Variants in ANTXRL observed in about 807,000 individuals in gnomAD.
ANTXRL encodes the protein ANTXR like, also known as anthrax toxin receptor-like.
In ANTXRL, 63 loss-of-function variants were observed where a neutral mutation model predicts 75.4. The observed-to-expected ratio is 0.84, with a 90% CI of 0.68 to 1.03. The LOEUF is 1.03. ANTXRL is among the 50% of genes least tolerant of loss of function. ANTXRL has a pLI of 0.00. For missense variants in ANTXRL, 797 were observed against 789.4 expected (o/e 1.01, Z -0.12); for synonymous variants, 335 against 291.3 (o/e 1.15, Z -1.53).
At chr10:46,299,942 C>T (rs1241004772) in intron 9 of ANTXRL, among the ~76,000 whole-genome samples, 1 of 152,164 alleles carries the variant, frequency 6.6e-6, no homozygotes, top group Non-Finnish European at 1.5e-5. Flanking sequence ...AGAGGGCTCT[C>T]CTCCCCCTCG....
intron 16 of ANTXRL, among the ~76,000 whole-genome samples, chr10:46,327,151 G>C (rs1839256437): frequency 6.6e-6 from 1 of 152,144 alleles, no homozygotes; most frequent in African/African-American, 2.4e-5. Context: ...CCCTCAAGAG[G>C]AGCGAGGGAG....
chr10:46,286,304 C>G (rs1441293153), upstream of ANTXRL: 1 of 152,194 alleles, frequency 6.6e-6, no homozygotes, highest in Non-Finnish European at 1.5e-5. Flanking sequence ...TCTTGGACCT[C>G]TGGGCCACCT....
intron 1 of ANTXRL, among the ~76,000 whole-genome samples, chr10:46,290,040 T>A (rs1836916732): frequency 7.7e-6 from 1 of 129,928 alleles, no homozygotes; most frequent in African/African-American, 2.8e-5. Flanking sequence ...CCACATTTTC[T>A]TTATCTTTTT....
At chr10:46,297,595 T>A in intron 7 of ANTXRL, 121 bp downstream of exon 7, 1 of 1,015,586 alleles carries the variant, frequency 9.8e-7, no homozygotes, top group Non-Finnish European at 1.4e-6. Flanking sequence ...GGCCAACTCA[T>A]GGCCACTGCA....
At chr10:46,291,966 T>A in intron 1 of ANTXRL, 92 bp from the exon 2 acceptor site, 1 of 1,228,414 alleles carries the variant, frequency 8.1e-7, no homozygotes, top group Non-Finnish European at 1.1e-6. Context: ...GAGAGCTTGT[T>A]AAGAGCCTGC....
chr10:46,295,589 A>G (rs1588798876), intron 3 of ANTXRL, among the ~76,000 whole-genome samples: 1 of 94,092 alleles, frequency 1.1e-5, no homozygotes, highest in Non-Finnish European at 2.5e-5. Context: ...TTTGGGTTAG[A>G]GTTAGAGTTA....
At chr10:46,308,575 T>C (rs1474241529) in intron 12 of ANTXRL, 4 of 400,020 alleles carry the variant, frequency 1.0e-5, no homozygotes, top group African/African-American at 4.1e-5. Flanking sequence ...CCGTTGCTTA[T>C]ACCCCATGTG....
intron 12 of ANTXRL, 111 bp from the exon 13 acceptor site, chr10:46,309,002 C>G: frequency 1.4e-6 from 2 of 1,458,108 alleles, no homozygotes; most frequent in Non-Finnish European, 9.2e-7. Context: ...CTGTAGTACC[C>G]GGATGCGGGG....
intron 16 of ANTXRL, among the ~76,000 whole-genome samples, chr10:46,322,267 G>C (rs1554965700): frequency 6.6e-6 from 1 of 151,998 alleles, no homozygotes; most frequent in East Asian, 1.9e-4. Flanking sequence ...AGACCAGCCT[G>C]GCCATATGGT....
chr10:46,303,415 CT>C (rs1442554452), intron 10 of ANTXRL, among the ~76,000 whole-genome samples: 2 of 152,176 alleles, frequency 1.3e-5, no homozygotes, highest in African/African-American at 2.4e-5. Flanking sequence ...TATCCTTTAA[CT>C]GAAATGCTTG....
At chr10:46,314,345 A>T (rs2132844785) in intron 16 of ANTXRL, among the ~76,000 whole-genome samples, 1 of 152,204 alleles carries the variant, frequency 6.6e-6, no homozygotes, top group Admixed American at 6.5e-5. Context: ...ACAGAAGCCC[A>T]CTTTCCATCC....
At chr10:46,322,017 T>C (rs1554965673) in intron 16 of ANTXRL, among the ~76,000 whole-genome samples, 1 of 152,166 alleles carries the variant, frequency 6.6e-6, no homozygotes, top group African/African-American at 2.4e-5. Flanking sequence ...ACTTGCACAG[T>C]AAAATGAGTT....
intron 9 of ANTXRL, among the ~76,000 whole-genome samples, chr10:46,299,009 C>T (rs1200233895): frequency 6.6e-6 from 1 of 151,888 alleles, no homozygotes; most frequent in East Asian, 1.9e-4. Context: ...AAGTTTAACT[C>T]TAAAGCAAGA....
At chr10:46,315,611 G>A (rs1838683449) in intron 16 of ANTXRL, among the ~76,000 whole-genome samples, 1 of 152,174 alleles carries the variant, frequency 6.6e-6, no homozygotes, top group Admixed American at 6.5e-5. Context: ...GCCTTGTGAG[G>A]AGGCTATTTC....
chr10:46,322,859 T>C (rs1554965852), intron 16 of ANTXRL, among the ~76,000 whole-genome samples: 2 of 152,212 alleles, frequency 1.3e-5, no homozygotes, highest in Non-Finnish European at 2.9e-5. Flanking sequence ...TCGTATATCC[T>C]AATAGTTTCA....
chr10:46,329,997 C>A lies in ANTXRL; in HGVS notation c.1809C>A (p.Pro603=), dbSNP rs1554967360. The part of the protein sequence containing the change: ...RLPPARCLRP[P]SRMLPLLSPL... ...CCCCAGCTAGGTGCTTGAGGCCTCC[C>A]TCCAGGATGCTGCCGCTGCTGTCCC... Residue 603 remains proline, a synonymous_variant, in exon 17 of 17, where the codon CCC becomes CCA. Coordinates refer to ENST00000620264, the MANE Select transcript of ANTXRL (RefSeq NM_001278688.3). The A allele has an allele frequency of 6.5e-7, 1 of 1,535,618 alleles. No homozygotes were observed. The highest frequency in any genetic ancestry group is 1.2e-5 in the South Asian group (1 of 84,006).
intron 13 of ANTXRL, among the ~76,000 whole-genome samples, chr10:46,309,625 C>G (rs1476533851): frequency 6.6e-6 from 1 of 152,198 alleles, no homozygotes; most frequent in African/African-American, 2.4e-5. Flanking sequence ...AAATGGAGGA[C>G]GCTGTAACCC....
intron 11 of ANTXRL, 98 bp downstream of exon 11, chr10:46,306,970 TG>T: frequency 1.9e-6 from 2 of 1,033,726 alleles, no homozygotes; most frequent in Admixed American, 5.6e-5. Flanking sequence ...CACCCCCTGC[TG>T]GGACAGCACA....
chr10:46,308,895 C>T (rs1272110598), intron 12 of ANTXRL, among the ~76,000 whole-genome samples: 5 of 152,116 alleles, frequency 3.3e-5, no homozygotes, highest in East Asian at 1.9e-4. Flanking sequence ...TGGAAGCTTC[C>T]GGGACTTTCT....
Sources: allele counts gnomAD v4.1 joint callset (sites outside exome capture counted in the v4.1 genomes callset), GRCh38; gene constraint gnomAD v4.1.1; transcripts MANE v1.5; gene names NCBI Gene and HGNC (gene_info 2026-07-23, HGNC 2026-07-21).